ATXN1: variants seen among roughly 807,000 people sequenced by gnomAD.
ATXN1 encodes the protein ataxin 1.
Under a neutral mutation model 56.4 loss-of-function variants are expected in ATXN1, and 8 were observed. That is an observed-to-expected ratio of 0.14 (90% CI 0.08 to 0.26). The LOEUF (loss-of-function observed/expected upper bound fraction) is 0.26, where lower values mean the gene tolerates loss of function less well. Among genes scored for constraint, ATXN1 ranks in the 10% least tolerant of loss-of-function variants. ATXN1 has a pLI of 1.00. For missense variants in ATXN1, 987 were observed against 1,106.5 expected, an observed-to-expected ratio of 0.89 and a Z score of 1.53; for synonymous variants, 514 against 494.6, an observed-to-expected ratio of 1.04 and a Z score of -0.52.
At chr6:16,421,325 C>G (rs1347819883) in intron 6 of ATXN1, among the ~76,000 whole-genome samples, 1 of 150,364 alleles carries the variant, frequency 6.7e-6, no homozygotes, top group African/African-American at 2.5e-5. Flanking sequence ...GTCACTTTAA[C>G]AGTAGAAAGG....
At chr6:16,476,008 T>C (rs1470163428) in intron 6 of ATXN1, among the ~76,000 whole-genome samples, 1 of 152,084 alleles carries the variant, frequency 6.6e-6, no homozygotes, top group Non-Finnish European at 1.5e-5. Flanking sequence ...TAGCTGGGAC[T>C]ACAGGCATGC....
chr6:16,618,413 G>C (rs1263166028), intron 3 of ATXN1, among the ~76,000 whole-genome samples: 1 of 152,154 alleles, frequency 6.6e-6, no homozygotes, highest in African/African-American at 2.4e-5. Flanking sequence ...GTGTATCCCA[G>C]AACTTAAAGT....
At chr6:16,552,761 A>G (rs1761944816) in intron 4 of ATXN1, among the ~76,000 whole-genome samples, 1 of 152,192 alleles carries the variant, frequency 6.6e-6, no homozygotes, top group African/African-American at 2.4e-5. Flanking sequence ...ACGGGGGTGT[A>G]TCACCTTGAA....
intron 4 of ATXN1, among the ~76,000 whole-genome samples, chr6:16,563,871 G>C (rs1391780727): frequency 6.6e-6 from 1 of 152,154 alleles, no homozygotes; most frequent in East Asian, 1.9e-4. Flanking sequence ...GCCCGCTCCA[G>C]GTCCAAGGGC....
At chr6:16,596,759 T>A (rs946187140) in intron 3 of ATXN1, among the ~76,000 whole-genome samples, 1 of 152,156 alleles carries the variant, frequency 6.6e-6, no homozygotes, top group Admixed American at 6.5e-5. Context: ...GCAGCATTTG[T>A]CAAAGGGGAG....
At chr6:16,523,557 A>G (rs764395841) in intron 4 of ATXN1, among the ~76,000 whole-genome samples, 15 of 152,182 alleles carry the variant, frequency 9.9e-5, no homozygotes, top group Non-Finnish European at 2.2e-4. Context: ...GTTTTGCTAC[A>G]TTGCCAGGCT....
intron 6 of ATXN1, among the ~76,000 whole-genome samples, chr6:16,458,545 C>T (rs371722063): frequency 1.5e-4 from 23 of 152,222 alleles, no homozygotes; most frequent in South Asian, 1.0e-3. Flanking sequence ...ACCTGGCAAC[C>T]GCGGTGTTCT....
intron 2 of ATXN1, among the ~76,000 whole-genome samples, chr6:16,702,964 A>T (rs1759319797): frequency 6.6e-6 from 1 of 152,156 alleles, no homozygotes; most frequent in Non-Finnish European, 1.5e-5. Flanking sequence ...CATTTGACCC[A>T]GCCATCCCAT....
chr6:16,739,643 C>T (rs1333747058), intron 2 of ATXN1: 3 of 347,320 alleles, frequency 8.6e-6, no homozygotes, highest in Admixed American at 6.5e-5. Context: ...ATCGTCCTGG[C>T]CATTAATGAC....
intron 6 of ATXN1, among the ~76,000 whole-genome samples, chr6:16,343,304 A>C (rs563062090): frequency 6.6e-6 from 1 of 152,324 alleles, no homozygotes; most frequent in African/African-American, 2.4e-5. Flanking sequence ...AGATCGCACC[A>C]CTGCACTCCA....
At chr6:16,733,924 G>T (rs1581403637) in intron 2 of ATXN1, among the ~76,000 whole-genome samples, 1 of 152,106 alleles carries the variant, frequency 6.6e-6, no homozygotes, top group African/African-American at 2.4e-5. Flanking sequence ...AAGGTAGGTG[G>T]ATTTCTTGTG....
intron 6 of ATXN1, among the ~76,000 whole-genome samples, chr6:16,341,024 C>T (rs940964900): frequency 2.0e-4 from 30 of 152,236 alleles, no homozygotes; most frequent in Non-Finnish European, 3.7e-4. Flanking sequence ...GGGAACACAT[C>T]AGCTAACTTC....
chr6:16,567,488 T>C (rs1762250613), intron 4 of ATXN1, among the ~76,000 whole-genome samples: 1 of 152,142 alleles, frequency 6.6e-6, no homozygotes, highest in African/African-American at 2.4e-5. Context: ...AGGGTGCATG[T>C]GTGAGGGGGG....
intron 3 of ATXN1, among the ~76,000 whole-genome samples, chr6:16,647,409 G>A (rs1763818562): frequency 6.6e-6 from 1 of 152,158 alleles, no homozygotes; most frequent in Admixed American, 6.5e-5. Context: ...TTCAAACCCA[G>A]GAAGTTTGCC....
chr6:16,595,789 T>C (rs937298388), intron 3 of ATXN1, among the ~76,000 whole-genome samples: 3 of 148,798 alleles, frequency 2.0e-5, no homozygotes, highest in African/African-American at 7.9e-5. Flanking sequence ...GCCTGTTAAG[T>C]CACCTTTTTG....
chr6:16,576,097 G>T (rs1297635178), intron 4 of ATXN1, among the ~76,000 whole-genome samples: 2 of 145,368 alleles, frequency 1.4e-5, no homozygotes, highest in Non-Finnish European at 3.0e-5. Context: ...AACAGCTAAG[G>T]TAAAAAAAAA....
chr6:16,431,844 T>A (rs939774367), intron 6 of ATXN1, among the ~76,000 whole-genome samples: 4 of 152,174 alleles, frequency 2.6e-5, no homozygotes, highest in African/African-American at 9.7e-5. Flanking sequence ...TAAATAAATA[T>A]ACAACTTGGC....
At chr6:16,589,985 T>A (rs1762694072) in intron 3 of ATXN1, among the ~76,000 whole-genome samples, 1 of 152,184 alleles carries the variant, frequency 6.6e-6, no homozygotes, top group South Asian at 2.1e-4. Flanking sequence ...ACAAAAATTA[T>A]CTATGAAGTC....
intron 2 of ATXN1, chr6:16,740,002 A>T (rs552750166): frequency 5.0e-6 from 2 of 401,696 alleles, no homozygotes; most frequent in African/African-American, 4.1e-5. Flanking sequence ...CTGGGGGAAA[A>T]GCTGTAAAGA....
Sources: gnomAD v4.1 joint callset for allele counts (sites outside exome capture counted in the v4.1 genomes callset) on GRCh38, gnomAD v4.1.1 for gene constraint, MANE v1.5 for transcripts, NCBI Gene and HGNC (gene_info 2026-07-23, HGNC 2026-07-21) for gene names.